TMEM117: variants seen among roughly 807,000 people sequenced by gnomAD.
TMEM117 encodes transmembrane protein 117.
Under a neutral mutation model 52.4 loss-of-function variants are expected in TMEM117, and 27 were observed. The ratio of observed to expected loss-of-function variants is 0.51; its 90% CI spans 0.38 to 0.71. The LOEUF (loss-of-function observed/expected upper bound fraction) is 0.71. Ranked by LOEUF, TMEM117 falls within the 30% of genes least tolerant of loss-of-function variation. The pLI is 0.00. For missense variants in TMEM117, 556 were observed against 630.5 expected, an observed-to-expected ratio of 0.88 and a Z score of 1.26; for synonymous variants, 215 against 206.3, an observed-to-expected ratio of 1.04 and a Z score of -0.36.
intron 4 of TMEM117, among the ~76,000 whole-genome samples, chr12:44,193,044 A>G (rs2138347747): frequency 6.6e-6 from 1 of 152,338 alleles, no homozygotes; most frequent in African/African-American, 2.4e-5. Context: ...TGTAGGGTTT[A>G]TTTGGCTGTG....
chr12:43,796,888 C>A, the TMEM117 span: 2 of 1,351,118 alleles, frequency 1.5e-6, no homozygotes, highest in Non-Finnish European at 2.1e-6. Flanking sequence ...TAAATATTTT[C>A]ATTTATAAAT....
At chr12:44,218,978 G>A (rs920641229) in intron 5 of TMEM117, among the ~76,000 whole-genome samples, 2 of 152,148 alleles carry the variant, frequency 1.3e-5, no homozygotes, top group African/African-American at 4.8e-5. Context: ...TGCACTGTAT[G>A]GCGACAGTTA....
At chr12:44,078,663 G>A (rs771282865) in intron 3 of TMEM117, among the ~76,000 whole-genome samples, 1 of 151,992 alleles carries the variant, frequency 6.6e-6, no homozygotes, top group South Asian at 2.1e-4. Flanking sequence ...TTACAATTGT[G>A]TAAAATTCTT....
At chr12:44,054,989 G>A (rs1041136743) in intron 3 of TMEM117, among the ~76,000 whole-genome samples, 4 of 151,996 alleles carry the variant, frequency 2.6e-5, no homozygotes, top group Non-Finnish European at 5.9e-5. Flanking sequence ...ACTAGCCACG[G>A]CCATAAACTC....
At chr12:44,384,980 C>T (rs1299611362) in intron 7 of TMEM117, among the ~76,000 whole-genome samples, 4 of 152,090 alleles carry the variant, frequency 2.6e-5, no homozygotes, top group South Asian at 4.1e-4. Context: ...ATTCTATACA[C>T]GACCAATAAG....
chr12:44,225,994 G>A (rs59704299), intron 5 of TMEM117, among the ~76,000 whole-genome samples: 16,109 of 152,166 alleles, frequency 0.11, 930 homozygotes, highest in Middle Eastern at 0.2. Flanking sequence ...TCTGACTAAC[G>A]TCGCAAAAAC....
At chr12:44,306,595 T>C (rs1474369241) in intron 6 of TMEM117, among the ~76,000 whole-genome samples, 2 of 152,222 alleles carry the variant, frequency 1.3e-5, no homozygotes, top group Admixed American at 1.3e-4. Context: ...TGTACATACA[T>C]ACCTCCTATA....
chr12:44,154,279 T>C (rs1163122148), intron 4 of TMEM117, among the ~76,000 whole-genome samples: 2 of 152,048 alleles, frequency 1.3e-5, no homozygotes, highest in Admixed American at 1.3e-4. Flanking sequence ...AAAGTCCACA[T>C]CAACAGTTTC....
chr12:44,094,243 G>C (rs999227336), intron 3 of TMEM117, among the ~76,000 whole-genome samples: 20 of 152,138 alleles, frequency 1.3e-4, no homozygotes, highest in Admixed American at 4.6e-4. Context: ...ATAGATCATA[G>C]TAAGTCATGG....
chr12:43,981,000 T>C (rs1487747972), intron 3 of TMEM117, among the ~76,000 whole-genome samples: 1 of 152,178 alleles, frequency 6.6e-6, no homozygotes, highest in Admixed American at 6.5e-5. Flanking sequence ...GATAGGTTTC[T>C]TTACATTCCC....
intron 5 of TMEM117, among the ~76,000 whole-genome samples, chr12:44,281,816 A>G (rs1341794549): frequency 6.6e-6 from 1 of 152,168 alleles, no homozygotes; most frequent in Non-Finnish European, 1.5e-5. Flanking sequence ...GCATTAATCT[A>G]TTGCCATATC....
the TMEM117 span, among the ~76,000 whole-genome samples, chr12:43,814,933 C>T: frequency 3.1e-3 from 474 of 151,822 alleles, 3 homozygotes; most frequent in African/African-American, 0.011. Context: ...TTAGTAGAGA[C>T]GGGGTTTCAC....
At chr12:43,804,235 C>T in the TMEM117 span, 1 of 488,594 alleles carries the variant, frequency 2.0e-6, no homozygotes. Flanking sequence ...GACTGTGGTG[C>T]AGAAACTGAG....
At chr12:44,240,885 C>A (rs542306274) in intron 5 of TMEM117, among the ~76,000 whole-genome samples, 4 of 152,068 alleles carry the variant, frequency 2.6e-5, no homozygotes, top group Admixed American at 6.6e-5. Context: ...AGCTCTTGGG[C>A]CAAAGGGATA....
intron 3 of TMEM117, among the ~76,000 whole-genome samples, chr12:43,962,703 G>A (rs763337158): frequency 5.9e-5 from 9 of 152,118 alleles, no homozygotes; most frequent in Non-Finnish European, 8.8e-5. Context: ...GGCGGATCAC[G>A]AGGTCAGGAG....
intron 2 of TMEM117, among the ~76,000 whole-genome samples, chr12:43,915,845 T>A (rs193262296): frequency 2.0e-5 from 3 of 152,166 alleles, no homozygotes; most frequent in African/African-American, 4.8e-5. Flanking sequence ...AACACTTTTT[T>A]TATTTTTATT....
chr12:43,844,350 CA>C (rs1943164064), intron 1 of TMEM117, among the ~76,000 whole-genome samples: 5 of 152,196 alleles, frequency 3.3e-5, no homozygotes, highest in African/African-American at 1.2e-4. Context: ...CAATTTTGGA[CA>C]GTGTTCTGCC....
chr12:44,335,238 G>A (rs1951325646), intron 6 of TMEM117, among the ~76,000 whole-genome samples: 1 of 151,692 alleles, frequency 6.6e-6, no homozygotes, highest in Non-Finnish European at 1.5e-5. Flanking sequence ...AGTGTAGAAA[G>A]GTGGGGTCAG....
rs560547879 is a variant in TMEM117, at chr12:44,226,334, C to T, written c.608+14947C>T. ...ATCACTGGGGCAGAGATAAAGGTCA[C>T]CAGAAATGCCCTTGAAATAGCATGG... On this transcript the variant is annotated intron_variant, in intron 5 of 7. Transcript: ENST00000266534. Among the ~76,000 whole-genome samples the T allele has an allele frequency of 6.0e-4, 91 of 152,216 alleles. 1 individual carries two copies. The highest frequency in any genetic ancestry group is 2.0e-3 in the Admixed American group (31 of 15,278).
Sources: gnomAD v4.1 joint callset for allele counts (sites outside exome capture counted in the v4.1 genomes callset) on GRCh38, gnomAD v4.1.1 for gene constraint, MANE v1.5 for transcripts, NCBI Gene and HGNC (gene_info 2026-07-23, HGNC 2026-07-21) for gene names.